The following DSCAM variants were observed in gnomAD, a reference collection of about 807,000 sequenced individuals.
DSCAM encodes cell adhesion molecule DSCAM.
A neutral mutation model predicts 217.7 loss-of-function variants in DSCAM; 47 were observed. The observed-to-expected ratio is 0.22, with a 90% CI of 0.17 to 0.28. DSCAM has a LOEUF of 0.28. DSCAM is among the 10% of genes least tolerant of loss of function. The pLI is 1.00. For synonymous variants in DSCAM, 1,056 were observed against 1,015.3 expected (o/e 1.04, Z -0.76); for missense variants, 2,080 against 2,618.3 (o/e 0.79, Z 4.49).
chr21:40,078,581 C>T (rs1197978091), intron 26 of DSCAM, 106 bp downstream of exon 26: 3 of 1,447,772 alleles, frequency 2.1e-6, no homozygotes, highest in East Asian at 2.4e-5. Context: ...GCTCCGTGGG[C>T]ACTGGTCAAA....
chr21:40,216,870 T>C (rs967294825), intron 11 of DSCAM, among the ~76,000 whole-genome samples: 2 of 152,250 alleles, frequency 1.3e-5, no homozygotes, highest in Admixed American at 1.3e-4. Context: ...CAGGGCTAAG[T>C]GACCAATGTC....
At chr21:40,077,390 A>G (rs1030964789) in intron 26 of DSCAM, among the ~76,000 whole-genome samples, 3 of 152,184 alleles carry the variant, frequency 2.0e-5, no homozygotes, top group Non-Finnish European at 4.4e-5. Flanking sequence ...GCCCTGGGCC[A>G]TCCGGACATT....
In DSCAM at chr21:40,668,162, T is replaced by G. The variant is rs188457766; in HGVS notation, c.508+24648A>C. 2.6e-5 allele frequency among the ~76,000 whole-genome samples: 4 copies of G among 152,298 alleles called. No homozygotes were observed. In the East Asian group the frequency reaches 7.7e-4, roughly 29 times the overall value. ...ATCCTCTACAGTGTCTGAAAATGAC[T>G]CGTTGCCTCACTCACTTATTCAGCA... On this transcript the variant is annotated intron_variant, in intron 3 of 32. Transcript: ENST00000400454.
intron 20 of DSCAM, among the ~76,000 whole-genome samples, chr21:40,122,787 C>G (rs2090049007): frequency 6.6e-6 from 1 of 152,116 alleles, no homozygotes; most frequent in Non-Finnish European, 1.5e-5. Context: ...GAGAACACAC[C>G]TTGCTTTTTC....
At chr21:40,368,059 G>T (rs1283641825) in intron 4 of DSCAM, among the ~76,000 whole-genome samples, 1 of 152,190 alleles carries the variant, frequency 6.6e-6, no homozygotes, top group Non-Finnish European at 1.5e-5. Context: ...ACCTGAAACA[G>T]AAAGACGGGC....
intron 3 of DSCAM, among the ~76,000 whole-genome samples, chr21:40,376,440 CTTATATAGATATCTATATATCTTATATA>C: frequency 7.0e-6 from 1 of 142,298 alleles, no homozygotes; most frequent in East Asian, 2.1e-4. Flanking sequence ...ATCTATATAT[CTTATATAGATATCTATATATCTTATATA>C]GATATCTATA....
chr21:40,784,067 A>C (rs1469853336), intron 1 of DSCAM, among the ~76,000 whole-genome samples: 1 of 149,284 alleles, frequency 6.7e-6, no homozygotes, highest in Non-Finnish European at 1.5e-5. Flanking sequence ...TATATACAAA[A>C]ATATATAAAT....
At chr21:40,076,413 C>T (rs390068) in intron 26 of DSCAM, among the ~76,000 whole-genome samples, 52,799 of 151,944 alleles carry the variant, frequency 0.35, 9,878 homozygotes, top group South Asian at 0.63. Flanking sequence ...ATGTAGGCTG[C>T]CAATCTTGGC....
chr21:40,747,806 A>G (rs577650705), intron 1 of DSCAM, among the ~76,000 whole-genome samples: 2 of 152,108 alleles, frequency 1.3e-5, no homozygotes, highest in South Asian at 2.1e-4. Context: ...ATGAATACAG[A>G]TGCAAAAAAT....
chr21:40,816,602 G>A (rs2091883768), intron 1 of DSCAM, among the ~76,000 whole-genome samples: 1 of 152,040 alleles, frequency 6.6e-6, no homozygotes, highest in African/African-American at 2.4e-5. Context: ...AAAAACCAGG[G>A]GTGGTTGATC....
At chr21:40,283,003 G>T (rs1344867575) in intron 10 of DSCAM, among the ~76,000 whole-genome samples, 1 of 152,136 alleles carries the variant, frequency 6.6e-6, no homozygotes, top group South Asian at 2.1e-4. Flanking sequence ...AAGTTGAAGG[G>T]TTATTGCATC....
chr21:40,183,348 G>A (rs957612825), intron 14 of DSCAM, among the ~76,000 whole-genome samples: 2 of 152,210 alleles, frequency 1.3e-5, no homozygotes, highest in Admixed American at 6.5e-5. Flanking sequence ...GGCAACCAAG[G>A]CAACCTGTGT....
At chr21:40,248,807 A>T (rs2073262707) in intron 11 of DSCAM, among the ~76,000 whole-genome samples, 1 of 152,208 alleles carries the variant, frequency 6.6e-6, no homozygotes, top group Non-Finnish European at 1.5e-5. Flanking sequence ...GCTGATGAAG[A>T]CATACCTGAG....
intron 1 of DSCAM, among the ~76,000 whole-genome samples, chr21:40,800,604 T>A (rs1191754914): frequency 6.6e-6 from 1 of 152,112 alleles, no homozygotes; most frequent in Non-Finnish European, 1.5e-5. Flanking sequence ...AATTGGCAAA[T>A]AATTTGGTTG....
At chr21:40,451,285 T>TA (rs2075717009) in intron 3 of DSCAM, among the ~76,000 whole-genome samples, 1 of 152,228 alleles carries the variant, frequency 6.6e-6, no homozygotes, top group Admixed American at 6.5e-5. Flanking sequence ...GGAGAGCACT[T>TA]ACTATTATGG....
chr21:40,610,687 GC>G (rs1416215160), intron 3 of DSCAM, among the ~76,000 whole-genome samples: 2 of 152,150 alleles, frequency 1.3e-5, no homozygotes, highest in African/African-American at 4.8e-5. Flanking sequence ...CGACCTCAGG[GC>G]CAGGCATCAG....
At chr21:40,160,014 G>A (rs1483381667) in intron 16 of DSCAM, among the ~76,000 whole-genome samples, 1 of 152,198 alleles carries the variant, frequency 6.6e-6, no homozygotes, top group Non-Finnish European at 1.5e-5. Context: ...TGGTGGGGTG[G>A]GCGGAATCAG....
At chr21:40,577,510 C>G (rs2076862700) in intron 3 of DSCAM, among the ~76,000 whole-genome samples, 1 of 152,108 alleles carries the variant, frequency 6.6e-6, no homozygotes, top group South Asian at 2.1e-4. Flanking sequence ...GACTGGCTCT[C>G]GCCCAGTGGC....
At chr21:40,343,900 ATTTTAT>A (rs1314887521) in intron 6 of DSCAM, among the ~76,000 whole-genome samples, 13 of 125,914 alleles carry the variant, frequency 1.0e-4, no homozygotes, top group East Asian at 3.2e-4. Context: ...CATTTTATTT[ATTTTAT>A]TTTATTTTAT....
Sources: gnomAD v4.1 joint callset for allele counts (sites outside exome capture counted in the v4.1 genomes callset) on GRCh38, gnomAD v4.1.1 for gene constraint, MANE v1.5 for transcripts, NCBI Gene and HGNC (gene_info 2026-07-23, HGNC 2026-07-21) for gene names.